Variants in DPP6 observed in about 807,000 individuals in gnomAD.
The protein encoded by DPP6 is dipeptidyl peptidase like 6.
Under a neutral mutation model 122.6 loss-of-function variants are expected in DPP6, and 69 were observed. That is an observed-to-expected ratio of 0.56 (90% CI 0.46 to 0.69). The LOEUF (loss-of-function observed/expected upper bound fraction) is 0.69. Among genes scored for constraint, DPP6 ranks in the 30% least tolerant of loss-of-function variants. DPP6 has a pLI of 0.00. For synonymous variants in DPP6, 418 were observed against 433.1 expected, an observed-to-expected ratio of 0.97 and a Z score of 0.43; for missense variants, 928 against 1,116.9, an observed-to-expected ratio of 0.83 and a Z score of 2.41.
chr7:154,893,093 TG>T lies in DPP6; in HGVS notation c.*615del. ...GATAGAATTAACTCGTATTTTTCTATGGTTTTAACCTGATGCTCCACTGTCT... is the reference window on the plus strand; with the variant it reads ...GATAGAATTAACTCGTATTTTTCTATGTTTTAACCTGATGCTCCACTGTCT... On this transcript the variant is annotated 3_prime_UTR_variant, in exon 26 of 26. Transcript: ENST00000377770. 1 of 397,538 alleles carries T rather than the reference TG, an allele frequency of 2.5e-6. No homozygotes were observed. The highest frequency in any genetic ancestry group is 3.0e-5 in the Admixed American group (1 of 33,146). 24.6% of individuals were successfully genotyped at this position (397,538 alleles called of 1,614,324 possible). A position where few individuals can be genotyped will look rare whatever the true frequency, so the allele number is the denominator to read the frequency against.
intron 4 of DPP6, among the ~76,000 whole-genome samples, chr7:154,554,809 T>C (rs996685294): frequency 6.6e-6 from 1 of 152,150 alleles, no homozygotes; most frequent in Non-Finnish European, 1.5e-5. Flanking sequence ...AAAATCATAA[T>C]ATGCTAAAGT....
chr7:154,578,909 T>C (rs894361151), intron 5 of DPP6, among the ~76,000 whole-genome samples: 2 of 152,196 alleles, frequency 1.3e-5, no homozygotes, highest in African/African-American at 2.4e-5. Context: ...AATCATAAAC[T>C]GGAAAAATAG....
chr7:153,862,902 A>T, the DPP6 span, among the ~76,000 whole-genome samples: 1 of 152,222 alleles, frequency 6.6e-6, no homozygotes, highest in Non-Finnish European at 1.5e-5. Flanking sequence ...ATGCAAAAAA[A>T]ATCATGCAAA....
chr7:154,167,557 C>T (rs563652272), intron 1 of DPP6, among the ~76,000 whole-genome samples: 20 of 152,344 alleles, frequency 1.3e-4, no homozygotes, highest in Non-Finnish European at 2.4e-4. Context: ...AAACTCTTTG[C>T]GTACGCATTT....
rs142587462 is a variant in DPP6 at position 154,877,795 on chromosome 7, C to G, written c.2078+1695C>G. ...GTGAGACAGGTGCAGGCAGCCCCCC[C>G]AGAGACCAAGTGGGTCCGTCTGACA... On this transcript the variant is annotated intron_variant, in intron 20 of 25. Coordinates refer to ENST00000377770, the MANE Select transcript of DPP6 (RefSeq NM_130797.4). The surrounding 1 kb of genome is among the most constrained non-coding windows in gnomAD (Gnocchi z 5.2). Among the ~76,000 whole-genome samples, 101 of 152,340 alleles carry G rather than the reference C, an allele frequency of 6.6e-4. 1 individual carries two copies. Among genetic ancestry groups the G allele is most frequent in the Admixed American group, 2.5e-3 (39 of 15,300 alleles).
chr7:154,297,509 C>T (rs925922124), intron 1 of DPP6, among the ~76,000 whole-genome samples: 2 of 152,140 alleles, frequency 1.3e-5, no homozygotes, highest in Non-Finnish European at 2.9e-5. Context: ...CTGTTTCTTG[C>T]CAGTATTCTC....
intron 1 of DPP6, among the ~76,000 whole-genome samples, chr7:154,007,791 T>G (rs1002351645): frequency 1.1e-4 from 17 of 152,160 alleles, no homozygotes; most frequent in Non-Finnish European, 2.1e-4. Context: ...TGGAGCCAAT[T>G]CTCCACAGAT....
At chr7:153,831,253 A>G in the DPP6 span, among the ~76,000 whole-genome samples, 6 of 152,272 alleles carry the variant, frequency 3.9e-5, no homozygotes, top group East Asian at 7.7e-4. Context: ...CAAACTCCCT[A>G]TTTTCATAGC....
chr7:153,752,023 G>C, the DPP6 span, among the ~76,000 whole-genome samples: 272 of 152,250 alleles, frequency 1.8e-3, 1 homozygote, highest in African/African-American at 5.9e-3. Context: ...TGTCATTTTG[G>C]ATAAGTTGCT....
At chr7:154,426,346 G>C (rs1045791125) in intron 1 of DPP6, among the ~76,000 whole-genome samples, 1 of 152,172 alleles carries the variant, frequency 6.6e-6, no homozygotes, top group African/African-American at 2.4e-5. Flanking sequence ...ACATTCGAAA[G>C]AACTTTTATA....
chr7:154,373,513 C>A (rs1812853986), intron 1 of DPP6, among the ~76,000 whole-genome samples: 2 of 152,102 alleles, frequency 1.3e-5, no homozygotes, highest in African/African-American at 4.8e-5. Context: ...TGCAAATGGG[C>A]ACAATTTGCA....
chr7:154,576,822 G>A (rs1831712469), intron 5 of DPP6, among the ~76,000 whole-genome samples: 1 of 152,186 alleles, frequency 6.6e-6, no homozygotes, highest in African/African-American at 2.4e-5. Context: ...AATTTGGCAA[G>A]TAAGAGAGAT....
intron 4 of DPP6, among the ~76,000 whole-genome samples, chr7:154,542,562 C>T (rs1465791534): frequency 6.6e-6 from 1 of 152,136 alleles, no homozygotes. Flanking sequence ...TTATTTTAGC[C>T]AAGTCGCCTT....
At chr7:154,673,117 C>A (rs574653360) in intron 7 of DPP6, among the ~76,000 whole-genome samples, 1 of 152,310 alleles carries the variant, frequency 6.6e-6, no homozygotes, top group African/African-American at 2.4e-5. Context: ...GCAGGCCTTG[C>A]AAGCCCTAAC....
chr7:154,135,038 T>C (rs1367922376), intron 1 of DPP6, among the ~76,000 whole-genome samples: 1 of 151,886 alleles, frequency 6.6e-6, no homozygotes, highest in East Asian at 1.9e-4. Flanking sequence ...ACTTCCTCTG[T>C]GTATACTTCC....
Position 153,910,610 on chromosome 7 carries a change from C to T in DPP6, c.51+22876C>T, listed in dbSNP as rs1800047019. Among the ~76,000 whole-genome samples, 2 of 152,118 alleles carry T rather than the reference C, an allele frequency of 1.3e-5. 1 individual carries two copies. The highest frequency in any genetic ancestry group is 1.3e-4 in the Admixed American group (2 of 15,276). On this transcript the variant is annotated intron_variant, in intron 1 of 25. Coordinates refer to the DPP6 transcript ENST00000404039. Reference sequence around the variant, plus strand: ...TCAGCCTCTGAGCTTTAGGCTTTTACACCAAATTTCCCCCAGACTTCACCT... The same window carrying T: ...TCAGCCTCTGAGCTTTAGGCTTTTATACCAAATTTCCCCCAGACTTCACCT...
At chr7:154,172,093 C>T (rs1029560115) in intron 1 of DPP6, among the ~76,000 whole-genome samples, 3 of 151,970 alleles carry the variant, frequency 2.0e-5, no homozygotes, top group Admixed American at 2.0e-4. Context: ...TTTCACTGAG[C>T]CTCATTGCAA....
At chr7:154,086,006 G>C (rs1461480780) in intron 1 of DPP6, among the ~76,000 whole-genome samples, 1 of 151,840 alleles carries the variant, frequency 6.6e-6, no homozygotes, top group African/African-American at 2.4e-5. Flanking sequence ...GATTACAGGC[G>C]TGAGCCACCG....
upstream of DPP6, among the ~76,000 whole-genome samples, chr7:154,051,879 G>T (rs2129061825): frequency 6.6e-6 from 1 of 151,312 alleles, no homozygotes; most frequent in Non-Finnish European, 1.5e-5. Flanking sequence ...AGCGTCGTCC[G>T]ACCACCCCGC....
Sources: gnomAD v4.1 joint callset for allele counts (sites outside exome capture counted in the v4.1 genomes callset) on GRCh38, gnomAD v4.1.1 for gene constraint, Gnocchi (gnomAD v3.1) non-coding constraint, MANE v1.5 for transcripts, NCBI Gene and HGNC (gene_info 2026-07-23, HGNC 2026-07-21) for gene names.